Variants in ATP9B observed in about 807,000 individuals in gnomAD.
ATP9B encodes ATPase phospholipid transporting 9B, also known as probable phospholipid-transporting ATPase IIB.
In ATP9B, 110 loss-of-function variants were observed where a neutral mutation model predicts 146.1. The ratio of observed to expected loss-of-function variants is 0.75; its 90% CI spans 0.65 to 0.88. The LOEUF (loss-of-function observed/expected upper bound fraction) is 0.88, where lower values mean the gene tolerates loss of function less well. Among genes scored for constraint, ATP9B ranks in the 40% least tolerant of loss-of-function variants. ATP9B has a pLI of 0.00. For missense variants in ATP9B, 1,499 were observed against 1,496.4 expected (o/e 1.00, Z -0.03); for synonymous variants, 604 against 569.7 (o/e 1.06, Z -0.86).
At chr18:79,347,716 T>C (rs1192638157) in intron 23 of ATP9B, 54 bp from the exon 24 acceptor site, 2 of 1,483,702 alleles carry the variant, frequency 1.3e-6, no homozygotes, top group East Asian at 4.8e-5. Context: ...ACTTTTGGAG[T>C]CTGATTTCCA....
chr18:79,175,921 T>G (rs1317681596), intron 7 of ATP9B, among the ~76,000 whole-genome samples: 1 of 152,218 alleles, frequency 6.6e-6, no homozygotes, highest in Admixed American at 6.5e-5. Context: ...TGCATAGAGA[T>G]CTGTATGGAC....
intron 7 of ATP9B, among the ~76,000 whole-genome samples, chr18:79,157,408 A>AAC (rs2094807373): frequency 6.8e-6 from 1 of 148,050 alleles, no homozygotes; most frequent in African/African-American, 2.5e-5. Context: ...AAAAAAAAAA[A>AAC]AAAAAAAAAA....
At chr18:79,090,088 GT>G (rs1351121560) in intron 1 of ATP9B, among the ~76,000 whole-genome samples, 1 of 152,134 alleles carries the variant, frequency 6.6e-6, no homozygotes, top group Non-Finnish European at 1.5e-5. Flanking sequence ...TGATGTTGAT[GT>G]AAATGACTGG....
chr18:79,267,074 A>G (rs1209844352), intron 12 of ATP9B, among the ~76,000 whole-genome samples: 1 of 152,042 alleles, frequency 6.6e-6, no homozygotes, highest in Non-Finnish European at 1.5e-5. Context: ...TCAACTTTTT[A>G]CTGTGGAACA....
intron 13 of ATP9B, among the ~76,000 whole-genome samples, chr18:79,282,553 A>C (rs1179663341): frequency 6.6e-6 from 1 of 152,260 alleles, no homozygotes; most frequent in Non-Finnish European, 1.5e-5. Flanking sequence ...CACGTTTTAA[A>C]AATATTTTTA....
chr18:79,258,302 C>T (rs1449250097), intron 12 of ATP9B, among the ~76,000 whole-genome samples: 2 of 152,092 alleles, frequency 1.3e-5, no homozygotes, highest in African/African-American at 2.4e-5. Context: ...TGGTGGCATG[C>T]GCCTGTAGTC....
intron 12 of ATP9B, among the ~76,000 whole-genome samples, chr18:79,265,928 A>C (rs2096198844): frequency 6.6e-6 from 1 of 152,212 alleles, no homozygotes; most frequent in African/African-American, 2.4e-5. Context: ...GGTGTAAAGA[A>C]GGGGTCCGGT....
chr18:79,235,164 A>G (rs2095829668), intron 11 of ATP9B, among the ~76,000 whole-genome samples: 1 of 152,220 alleles, frequency 6.6e-6, no homozygotes, highest in African/African-American at 2.4e-5. Context: ...GGTGTGAGCC[A>G]CTGTGCCTGG....
In ATP9B at chr18:79,214,049, T is replaced by C. The variant is rs374070056; in HGVS notation, c.1107+11T>C. 6 of 1,575,188 alleles carry C rather than the reference T, an allele frequency of 3.8e-6. No homozygotes were observed. Among genetic ancestry groups the C allele is most frequent in the Non-Finnish European group, 3.4e-6 (4 of 1,162,238 alleles). ...AATCCAAAAAATAAGGTAGGCTAGA[T>C]TGAGGAGCAACTGCTTTAATGAACT... is the stretch of plus-strand genomic sequence containing the variant. On this transcript the variant is annotated intron_variant, in intron 11 of 29. Coordinates refer to ENST00000426216, the MANE Select transcript of ATP9B (RefSeq NM_198531.5).
chr18:79,239,938 G>A lies in ATP9B; in HGVS notation c.1108-13443G>A, dbSNP rs1160129692. On this transcript the variant is annotated intron_variant, in intron 11 of 29. Transcript: ENST00000426216. The surrounding 1 kb of genome is among the most constrained non-coding windows in gnomAD (Gnocchi z 5.1). ...TTGCTCTGCCTGCGTCCCCATCAGC[G>A]GTGACCAGCAGATCACCACGCCTCA... 2.6e-5 allele frequency among the ~76,000 whole-genome samples: 4 copies of A among 152,146 alleles called. No homozygotes were observed. In the East Asian group the frequency reaches 5.8e-4, roughly 22 times the overall value.
chr18:79,325,131 G>A (rs111330822), intron 15 of ATP9B, among the ~76,000 whole-genome samples: 5 of 152,298 alleles, frequency 3.3e-5, no homozygotes, highest in African/African-American at 4.8e-5. Flanking sequence ...GACACAGGTC[G>A]TTTGTGTGAC....
In ATP9B at chr18:79,256,257, C is replaced by CTATATATATATATATATATATATA. The variant is rs10531617; in HGVS notation, c.1268+2723_1268+2746dup. 7.0e-4 allele frequency among the ~76,000 whole-genome samples: 70 copies of CTATATATATATATATATATATATA among 100,312 alleles called. 5 individuals carry two copies. Among genetic ancestry groups the CTATATATATATATATATATATATA allele is most frequent in the African/African-American group, 2.5e-3 (55 of 21,582 alleles). The allele number at this position is 100,312 out of a possible 152,430, so 65.8% of individuals were successfully genotyped here. A position where few individuals can be genotyped will look rare whatever the true frequency, so the allele number is the denominator to read the frequency against. Reference sequence around the variant, plus strand: ...ATGCCATTTTGTGAATTCTAGCTAGCTATATATATATATATATATATATAT... The same window carrying CTATATATATATATATATATATATA: ...ATGCCATTTTGTGAATTCTAGCTAGCTATATATATATATATATATATATATATATATATATATATATATATATAT... On this transcript the variant is annotated intron_variant, in intron 12 of 29. Transcript: ENST00000426216.
chr18:79,368,458 C>T (rs57085175), intron 26 of ATP9B, among the ~76,000 whole-genome samples: 34,441 of 152,130 alleles, frequency 0.23, 4,524 homozygotes, highest in East Asian at 0.45. Context: ...TCAAAACCAG[C>T]CCATGTCTGC....
chr18:79,206,031 C>T (rs1391036433), intron 9 of ATP9B, among the ~76,000 whole-genome samples: 1 of 151,868 alleles, frequency 6.6e-6, no homozygotes, highest in Non-Finnish European at 1.5e-5. Context: ...AGCTCTGCCT[C>T]CCGGGTTCAC....
At chr18:79,263,953 C>T (rs1293398921) in intron 12 of ATP9B, among the ~76,000 whole-genome samples, 2 of 152,058 alleles carry the variant, frequency 1.3e-5, no homozygotes, top group South Asian at 2.1e-4. Context: ...GGCGTGGTAG[C>T]GGGTGCCTGT....
At chr18:79,292,609 G>A (rs558291209) in intron 13 of ATP9B, among the ~76,000 whole-genome samples, 64 of 151,506 alleles carry the variant, frequency 4.2e-4, no homozygotes, top group Non-Finnish European at 7.8e-4. Flanking sequence ...ATTCAGCATG[G>A]CTACAACAAT....
chr18:79,153,746 G>A (rs962058726), intron 6 of ATP9B, among the ~76,000 whole-genome samples: 5 of 151,392 alleles, frequency 3.3e-5, no homozygotes, highest in South Asian at 2.1e-4. Flanking sequence ...GACCCTCCTG[G>A]CTCAAGCCAT....
chr18:79,096,576 C>A lies in ATP9B; in HGVS notation c.220C>A (p.Arg74=), dbSNP rs376702405. ...NEESDYHTLP[R]ARIMQRKRGL... is the part of the protein sequence containing the mutation. The stretch of plus-strand genomic sequence containing the variant: ...GGAAAGTGATTACCACACCTTACCA[C>A]GAGCCAGGATAATGCAAAGGAAAAG... Residue 74 remains arginine (R), a synonymous_variant, in exon 2 of 30, where the codon CGA becomes AGA. Transcript: ENST00000426216. 3 of 1,613,880 alleles carry A rather than the reference C, an allele frequency of 1.9e-6. No individual in the cohort carries two copies. The African/African-American group carries it at 4.0e-5, about 22-fold the overall frequency.
chr18:79,078,975 C>T (rs574373730), intron 1 of ATP9B, among the ~76,000 whole-genome samples: 2 of 152,072 alleles, frequency 1.3e-5, no homozygotes, highest in Non-Finnish European at 2.9e-5. Context: ...TCCATGTCCA[C>T]GCAAAGGACA....
Sources: gnomAD v4.1 joint callset for allele counts (sites outside exome capture counted in the v4.1 genomes callset) on GRCh38, gnomAD v4.1.1 for gene constraint, Gnocchi (gnomAD v3.1) non-coding constraint, MANE v1.5 for transcripts, NCBI Gene and HGNC (gene_info 2026-07-23, HGNC 2026-07-21) for gene names.